The following LONP2 variants were observed in gnomAD, a reference collection of about 807,000 sequenced individuals.
LONP2 encodes lon protease homolog 2, peroxisomal.
Under a neutral mutation model 85.6 loss-of-function variants are expected in LONP2, and 60 were observed. The ratio of observed to expected loss-of-function variants is 0.70; its 90% CI spans 0.57 to 0.87. The LOEUF (loss-of-function observed/expected upper bound fraction) is 0.87, where lower values mean the gene tolerates loss of function less well. Among genes scored for constraint, LONP2 ranks in the 40% least tolerant of loss-of-function variants. LONP2 has a pLI of 0.00. For synonymous variants in LONP2, 395 were observed against 389.7 expected (o/e 1.01, Z -0.16); for missense variants, 860 against 1,063.5 (o/e 0.81, Z 2.66).
chr16:48,296,674 C>T (rs1310971008), intron 9 of LONP2, among the ~76,000 whole-genome samples: 1 of 151,062 alleles, frequency 6.6e-6, no homozygotes, highest in African/African-American at 2.4e-5. Context: ...TTGCAGTGAG[C>T]CTCACGCCAC....
At chr16:48,358,354 G>A (rs184688080), downstream of LONP2, among the ~76,000 whole-genome samples, 9 of 152,190 alleles carry the variant, frequency 5.9e-5, no homozygotes, top group Admixed American at 4.6e-4. Context: ...AAACATACAG[G>A]TATGTTCATG....
chr16:48,292,119 A>G (rs1288277611), intron 8 of LONP2, among the ~76,000 whole-genome samples: 1 of 152,246 alleles, frequency 6.6e-6, no homozygotes, highest in Non-Finnish European at 1.5e-5. Flanking sequence ...TGACGCATTC[A>G]TCTAGCTTAG....
intron 6 of LONP2, among the ~76,000 whole-genome samples, chr16:48,265,350 G>A (rs1033659373): frequency 1.3e-5 from 2 of 151,934 alleles, no homozygotes; most frequent in African/African-American, 4.9e-5. Flanking sequence ...ACAGTTTCAG[G>A]CCTTACATTT....
intron 2 of LONP2, among the ~76,000 whole-genome samples, chr16:48,253,322 T>G (rs1971692349): frequency 6.6e-6 from 1 of 151,468 alleles, no homozygotes; most frequent in African/African-American, 2.4e-5. Flanking sequence ...GTACAAAAAT[T>G]AGCCGAGTGT....
At position 48,296,134 on chromosome 16, in the gene LONP2, GT is replaced by G. The variant is rs1972665220; in HGVS notation, c.1505del (p.Leu502TrpfsTer18). 2 of 1,614,096 alleles carry G rather than the reference GT, an allele frequency of 1.2e-6. No homozygotes were observed. Among genetic ancestry groups the G allele is most frequent in the Non-Finnish European group, 1.7e-6 (2 of 1,180,022 alleles). On this transcript the variant is annotated frameshift_variant, in exon 9 of 15. Coordinates refer to ENST00000285737, the MANE Select transcript of LONP2 (RefSeq NM_031490.5). LOFTEE classifies it high-confidence loss of function. ...CCACTGCTACCATTCCAGCTGCCTTGTTGGACAGAATGGAGATCATTCAGGT... is the reference window on the plus strand; with the variant it reads ...CCACTGCTACCATTCCAGCTGCCTTGTGGACAGAATGGAGATCATTCAGGT... ...NTTATIPAAL[L>X]DRMEIIQVPG...
intron 10 of LONP2, among the ~76,000 whole-genome samples, chr16:48,300,681 C>G (rs1175834202): frequency 6.8e-6 from 1 of 146,080 alleles, no homozygotes. Flanking sequence ...ATATACAAAG[C>G]AGTAAGACTA....
At chr16:48,360,158 G>A (rs1350675037), downstream of LONP2, among the ~76,000 whole-genome samples, 1 of 152,260 alleles carries the variant, frequency 6.6e-6, no homozygotes, top group Admixed American at 6.5e-5. Context: ...TCACACAGCT[G>A]GTTAGTGGGG....
chr16:48,313,387 A>G (rs1337477451), intron 11 of LONP2, among the ~76,000 whole-genome samples: 1 of 152,134 alleles, frequency 6.6e-6, no homozygotes, highest in African/African-American at 2.4e-5. Context: ...GTAGGTAAAC[A>G]TGTGCCATGG....
downstream of LONP2, chr16:48,360,454 ATAAT>A (rs1960539586): frequency 6.5e-6 from 1 of 152,684 alleles, no homozygotes; most frequent in Non-Finnish European, 1.5e-5. Context: ...TTTCTGCTAT[ATAAT>A]TAAAGTATGG....
chr16:48,292,039 C>T (rs1319991875), intron 8 of LONP2, among the ~76,000 whole-genome samples: 1 of 152,180 alleles, frequency 6.6e-6, no homozygotes, highest in Non-Finnish European at 1.5e-5. Flanking sequence ...AGACAAGAGA[C>T]AAACGGTTGC....
intron 8 of LONP2, among the ~76,000 whole-genome samples, chr16:48,283,545 G>A (rs1190387331): frequency 6.6e-6 from 1 of 152,092 alleles, no homozygotes; most frequent in East Asian, 1.9e-4. Flanking sequence ...TTCTGTAAAT[G>A]GAACAACAAA....
chr16:48,303,389 T>C lies in LONP2; in HGVS notation c.1795+84T>C, dbSNP rs1458301848. 3.9e-6 allele frequency: 6 copies of C among 1,538,952 alleles called. No homozygotes were observed. The Admixed American group carries it at 1.0e-4, about 27-fold the overall frequency. On this transcript the variant is annotated intron_variant, in intron 11 of 14. Coordinates refer to ENST00000285737, the MANE Select transcript of LONP2 (RefSeq NM_031490.5). ...AGGTTGGGTATGGAGGGGAAGGTGT[T>C]GGGTAGTCCTTGGAGCAGTGGCACA...
rs114775818 is a variant in LONP2, at chr16:48,352,372, G to A, written c.*570G>A. ...ATATATATATTCAAGTGGGCCGGGC[G>A]TGATGGCTCACACCTGTAATTCCAG... On this transcript the variant is annotated 3_prime_UTR_variant, in exon 15 of 15. Coordinates refer to ENST00000285737, the MANE Select transcript of LONP2 (RefSeq NM_031490.5). 1,080 of 152,856 alleles carry A rather than the reference G, an allele frequency of 7.1e-3. 14 individuals carry two copies. The highest frequency in any genetic ancestry group is 0.024 in the African/African-American group (1,016 of 41,546). 9.5% of individuals were successfully genotyped at this position (152,856 alleles called of 1,614,324 possible).
At chr16:48,248,089 A>G (rs1469594641) in intron 1 of LONP2, among the ~76,000 whole-genome samples, 3 of 151,994 alleles carry the variant, frequency 2.0e-5, no homozygotes, top group East Asian at 3.9e-4. Context: ...ATTTATTTCT[A>G]TTACATTTTC....
Position 48,354,593 on chromosome 16 carries a change from T to C in LONP2, c.*2791T>C, listed in dbSNP as rs1251038711. 6.6e-6 allele frequency: 1 copy of C among 152,234 alleles called. No individual in the cohort carries two copies. Among genetic ancestry groups the C allele is most frequent in the Non-Finnish European group, 1.5e-5 (1 of 68,184 alleles). 9.4% of individuals were successfully genotyped at this position (152,234 alleles called of 1,614,324 possible). A position where few individuals can be genotyped will look rare whatever the true frequency, so the allele number is the denominator to read the frequency against. ...ATTCCACCCTCACCCCAGACCCTGG[T>C]AACCACTATTTCACTTTCTTTCTGA... On this transcript the variant is annotated 3_prime_UTR_variant, in exon 15 of 15. Coordinates refer to ENST00000285737, the MANE Select transcript of LONP2 (RefSeq NM_031490.5).
intron 11 of LONP2, among the ~76,000 whole-genome samples, chr16:48,329,871 T>C (rs1158180108): frequency 6.6e-6 from 1 of 152,266 alleles, no homozygotes; most frequent in East Asian, 1.9e-4. Flanking sequence ...TGGGTACTTA[T>C]ATTGGATCTA....
intron 3 of LONP2, among the ~76,000 whole-genome samples, chr16:48,257,529 A>G (rs1052438746): frequency 2.0e-5 from 3 of 152,222 alleles, no homozygotes; most frequent in Admixed American, 1.3e-4. Context: ...CTTGAAAAGT[A>G]ATCCAAGTAT....
rs1445982476 is a variant in LONP2, at chr16:48,354,094, G to C, written c.*2292G>C. On this transcript the variant is annotated 3_prime_UTR_variant, in exon 15 of 15. Transcript: ENST00000285737. ...TTTTTTTTTTTGGGGGGGGTGGGGG[G>C]TTAGGGGTGGGGCGGGTGGGGAAGA... 4.1e-5 allele frequency: 1 copy of C among 24,574 alleles called. No individual in the cohort carries two copies. The highest frequency in any genetic ancestry group is 8.2e-5 in the Non-Finnish European group (1 of 12,250). 1.5% of individuals were successfully genotyped at this position (24,574 alleles called of 1,614,324 possible).
intron 6 of LONP2, among the ~76,000 whole-genome samples, chr16:48,267,894 G>A (rs990293903): frequency 6.6e-5 from 10 of 152,186 alleles, no homozygotes; most frequent in Non-Finnish European, 8.8e-5. Flanking sequence ...GGGATTACAG[G>A]TGTGAGCCAC....
Sources: gnomAD v4.1 joint callset for allele counts (sites outside exome capture counted in the v4.1 genomes callset) on GRCh38, gnomAD v4.1.1 for gene constraint, MANE v1.5 for transcripts, NCBI Gene and HGNC (gene_info 2026-07-23, HGNC 2026-07-21) for gene names.